TTC29: variants seen among roughly 807,000 people sequenced by gnomAD.
TTC29 encodes the protein tetratricopeptide repeat domain 29.
In TTC29, 49 loss-of-function variants were observed where a neutral mutation model predicts 58.1. The observed-to-expected ratio is 0.84, with a 90% CI of 0.67 to 1.07. The LOEUF (loss-of-function observed/expected upper bound fraction) is 1.07, where lower values mean the gene tolerates loss of function less well. Ranked by LOEUF, TTC29 falls within the 50% of genes least tolerant of loss-of-function variation. The pLI is 0.00. For missense variants in TTC29, 582 were observed against 555.6 expected (o/e 1.05, Z -0.48); for synonymous variants, 209 against 196.8 (o/e 1.06, Z -0.52).
chr4:146,752,873 C>T (rs1405319825), intron 11 of TTC29, among the ~76,000 whole-genome samples: 3 of 152,150 alleles, frequency 2.0e-5, no homozygotes, highest in African/African-American at 4.8e-5. Context: ...AACTGGATCC[C>T]TTCCTTATAC....
chr4:146,851,267 A>G (rs1876765), intron 8 of TTC29, among the ~76,000 whole-genome samples: 59,099 of 152,062 alleles, frequency 0.39, 12,374 homozygotes, highest in African/African-American at 0.53. Flanking sequence ...TCTTCATGCC[A>G]CAGGTGAAGA....
chr4:146,763,472 T>G (rs1428609399), intron 11 of TTC29, among the ~76,000 whole-genome samples: 2 of 151,928 alleles, frequency 1.3e-5, no homozygotes, highest in African/African-American at 4.8e-5. Context: ...TAGTGTAGGG[T>G]AGGGTAGAAT....
At chr4:146,824,533 G>A (rs910149652) in intron 9 of TTC29, among the ~76,000 whole-genome samples, 2 of 149,644 alleles carry the variant, frequency 1.3e-5, no homozygotes, top group African/African-American at 5.0e-5. Context: ...TCACATTGAT[G>A]TTCATCGGGG....
chr4:146,712,619 T>A (rs1368904082), intron 11 of TTC29, among the ~76,000 whole-genome samples: 1 of 152,166 alleles, frequency 6.6e-6, no homozygotes, highest in Non-Finnish European at 1.5e-5. Flanking sequence ...GCTACCCACT[T>A]GATACTCACA....
At chr4:146,945,534 T>G (rs1736854083) in intron 1 of TTC29, 175 bp downstream of exon 1, 1 of 152,486 alleles carries the variant, frequency 6.6e-6, no homozygotes, top group Non-Finnish European at 1.5e-5. Context: ...TCCCTACTTC[T>G]CTTTCAATTC....
intron 6 of TTC29, among the ~76,000 whole-genome samples, chr4:146,881,213 A>G (rs1033005211): frequency 6.6e-6 from 1 of 152,174 alleles, no homozygotes; most frequent in Non-Finnish European, 1.5e-5. Flanking sequence ...TGCATCAGCA[A>G]TTCTGAAAAT....
Position 146,858,142 on chromosome 4 carries a change from A to G in TTC29, c.885+9356T>C, listed in dbSNP as rs1192284658. ...TGTTTATAATTTAAAGTGTAAACAC[A>G]CATTTTTAAATTTTGGTCTTCACAA... On this transcript the variant is annotated intron_variant, in intron 8 of 12. Coordinates refer to ENST00000325106, the MANE Select transcript of TTC29 (RefSeq NM_031956.4). Among the ~76,000 whole-genome samples the G allele has an allele frequency of 3.3e-5, 5 of 152,188 alleles. No homozygotes were observed. The East Asian group carries it at 9.6e-4, about 29-fold the overall frequency.
intron 6 of TTC29, among the ~76,000 whole-genome samples, chr4:146,884,293 A>C (rs1422368193): frequency 1.3e-5 from 2 of 152,080 alleles, no homozygotes; most frequent in African/African-American, 4.8e-5. Flanking sequence ...ACCTTCGAAA[A>C]TGTTTACTAG....
At chr4:146,940,814 C>T (rs1021952491) in intron 2 of TTC29, among the ~76,000 whole-genome samples, 2 of 152,190 alleles carry the variant, frequency 1.3e-5, no homozygotes, top group Non-Finnish European at 2.9e-5. Flanking sequence ...AAAAGCCAGG[C>T]AGAAGCTTTA....
chr4:146,918,934 T>C (rs73852744), intron 4 of TTC29, among the ~76,000 whole-genome samples: 288 of 151,292 alleles, frequency 1.9e-3, no homozygotes, highest in African/African-American at 6.7e-3. Context: ...TTAGAAACAT[T>C]TGTTGATCTC....
intron 11 of TTC29, among the ~76,000 whole-genome samples, chr4:146,787,847 G>A (rs1377456830): frequency 6.6e-6 from 1 of 151,590 alleles, no homozygotes; most frequent in Non-Finnish European, 1.5e-5. Flanking sequence ...GTGTTTCCCA[G>A]TTTCCCTCCT....
intron 11 of TTC29, among the ~76,000 whole-genome samples, chr4:146,724,034 T>C (rs77208047): frequency 6.6e-6 from 1 of 152,188 alleles, no homozygotes; most frequent in African/African-American, 2.4e-5. Context: ...CATGGAATAC[T>C]ATGCAGTCAC....
intron 11 of TTC29, among the ~76,000 whole-genome samples, chr4:146,736,834 G>C (rs367694765): frequency 8.5e-5 from 13 of 152,158 alleles, no homozygotes; most frequent in African/African-American, 2.9e-4. Context: ...GCAGGATCTT[G>C]GTACCTAGGG....
At chr4:146,782,597 G>A (rs1748703665) in intron 11 of TTC29, among the ~76,000 whole-genome samples, 1 of 151,880 alleles carries the variant, frequency 6.6e-6, no homozygotes, top group African/African-American at 2.4e-5. Context: ...TTAGTAAGAA[G>A]TAGATGATAG....
intron 2 of TTC29, chr4:146,942,802 A>G (rs1264041655): frequency 3.8e-6 from 2 of 525,550 alleles, no homozygotes; most frequent in Non-Finnish European, 6.7e-6. Context: ...CCAAAGCATT[A>G]TGCAGTGGGC....
At chr4:146,744,917 A>G (rs1186358185) in intron 11 of TTC29, among the ~76,000 whole-genome samples, 1 of 152,222 alleles carries the variant, frequency 6.6e-6, no homozygotes, top group Non-Finnish European at 1.5e-5. Context: ...AGAGGGAATC[A>G]TTCCCTCACC....
chr4:146,761,264 T>C (rs1479977223), intron 11 of TTC29, among the ~76,000 whole-genome samples: 1 of 151,944 alleles, frequency 6.6e-6, no homozygotes, highest in Non-Finnish European at 1.5e-5. Context: ...TTCTACATCA[T>C]TCAATCACAA....
At chr4:146,725,874 C>A (rs948383239) in intron 11 of TTC29, among the ~76,000 whole-genome samples, 2 of 152,030 alleles carry the variant, frequency 1.3e-5, no homozygotes, top group African/African-American at 4.8e-5. Flanking sequence ...CACCTATACA[C>A]CTATTCTATA....
chr4:146,841,335 G>A (rs772073855), intron 8 of TTC29, among the ~76,000 whole-genome samples: 28 of 152,112 alleles, frequency 1.8e-4, no homozygotes, highest in Non-Finnish European at 3.4e-4. Context: ...CTCTGGCACA[G>A]CACTGTGCAT....
Sources: allele counts gnomAD v4.1 joint callset (sites outside exome capture counted in the v4.1 genomes callset), GRCh38; gene constraint gnomAD v4.1.1; transcripts MANE v1.5; gene names NCBI Gene and HGNC (gene_info 2026-07-23, HGNC 2026-07-21).